FNDC3A: variants seen among roughly 807,000 people sequenced by gnomAD.
The protein encoded by FNDC3A is fibronectin type III domain containing 3A, also known as fibronectin type-III domain-containing protein 3A.
Under a neutral mutation model 148.9 loss-of-function variants are expected in FNDC3A, and 32 were observed. That is an observed-to-expected ratio of 0.21 (90% CI 0.16 to 0.29). The LOEUF is 0.29. FNDC3A is among the 10% of genes least tolerant of loss of function. The pLI is 1.00. For missense variants in FNDC3A, 1,191 were observed against 1,452.8 expected (o/e 0.82, Z 2.93); for synonymous variants, 472 against 473.6 (o/e 1.00, Z 0.04).
At chr13:49,022,975 A>T (rs1873439608) in intron 2 of FNDC3A, among the ~76,000 whole-genome samples, 1 of 152,122 alleles carries the variant, frequency 6.6e-6, no homozygotes, top group Non-Finnish European at 1.5e-5. Flanking sequence ...CACACATTTT[A>T]AAAAATTTAT....
At chr13:49,180,788 G>A (rs1014981492) in intron 14 of FNDC3A, among the ~76,000 whole-genome samples, 9 of 151,810 alleles carry the variant, frequency 5.9e-5, no homozygotes, top group Non-Finnish European at 1.3e-4. Flanking sequence ...CCAACTACTC[G>A]GGAGTCTGAG....
intron 2 of FNDC3A, among the ~76,000 whole-genome samples, chr13:49,060,239 A>T (rs1876567941): frequency 6.6e-6 from 1 of 152,268 alleles, no homozygotes; most frequent in Non-Finnish European, 1.5e-5. Flanking sequence ...TGTTTATAGC[A>T]GCACTATTCT....
rs9596055 is a variant in FNDC3A, at chr13:49,031,638, A to G, written c.99+25349A>G. On this transcript the variant is annotated intron_variant, in intron 2 of 25. Transcript: ENST00000492622. ...TACCATCTACAAAACTAACTCAAAA[A>G]TCAATTAAAATCCTAAAATAAGAGC... Among the ~76,000 whole-genome samples, 752 of 152,266 alleles carry G rather than the reference A, an allele frequency of 4.9e-3. 8 individuals are homozygous for G. Among genetic ancestry groups the G allele is most frequent in the African/African-American group, 0.017 (694 of 41,532 alleles).
chr13:49,086,072 A>G (rs537169698), intron 3 of FNDC3A, among the ~76,000 whole-genome samples: 2 of 151,992 alleles, frequency 1.3e-5, no homozygotes, highest in Non-Finnish European at 2.9e-5. Context: ...TGTAGAGACA[A>G]GGTTTCACCA....
intron 2 of FNDC3A, among the ~76,000 whole-genome samples, chr13:49,034,749 G>T (rs1874373179): frequency 6.6e-6 from 1 of 151,964 alleles, no homozygotes; most frequent in Non-Finnish European, 1.5e-5. Flanking sequence ...ATTTTCAAAT[G>T]CAGGCAGTTT....
Position 49,170,199 on chromosome 13 carries a change from T to C in FNDC3A, c.1176+1448T>C, listed in dbSNP as rs80308312. Among the ~76,000 whole-genome samples the C allele has an allele frequency of 2.6e-3, 395 of 152,170 alleles. 10 individuals are homozygous for C. The East Asian group carries it at 0.041, about 16-fold the overall frequency. ...TAATCAACATGGTTGGAAAAAGATA[T>C]CATTGTCACTGTTATTGGAGGATAG... On this transcript the variant is annotated intron_variant, in intron 10 of 25. Transcript: ENST00000492622.
chr13:49,076,680 AGTGGTG>A (rs889577584), intron 3 of FNDC3A, among the ~76,000 whole-genome samples: 2 of 151,856 alleles, frequency 1.3e-5, no homozygotes, highest in African/African-American at 4.8e-5. Flanking sequence ...GCACTCAATA[AGTGGTG>A]GTGAGTGCTG....
intron 4 of FNDC3A, among the ~76,000 whole-genome samples, chr13:49,121,015 T>G (rs1010900364): frequency 1.5e-4 from 23 of 152,040 alleles, no homozygotes; most frequent in African/African-American, 5.3e-4. Context: ...TCTACAGAAC[T>G]CTCCACCCCA....
intron 2 of FNDC3A, among the ~76,000 whole-genome samples, chr13:49,048,867 T>C (rs548682196): frequency 5.9e-5 from 9 of 152,308 alleles, no homozygotes; most frequent in Admixed American, 2.0e-4. Context: ...ATAGAAGTGG[T>C]AAAAGTGGGT....
At chr13:49,058,096 G>A (rs772500594) in intron 2 of FNDC3A, among the ~76,000 whole-genome samples, 58 of 152,208 alleles carry the variant, frequency 3.8e-4, no homozygotes, top group African/African-American at 1.3e-3. Context: ...CTCAGACACC[G>A]AGTTAAAGAA....
chr13:48,978,671 T>A (rs1339620141), intron 1 of FNDC3A, among the ~76,000 whole-genome samples: 3 of 152,162 alleles, frequency 2.0e-5, no homozygotes, highest in Non-Finnish European at 4.4e-5. Flanking sequence ...CTTTTGTTTT[T>A]TTTGTTTTGT....
intron 17 of FNDC3A, among the ~76,000 whole-genome samples, chr13:49,189,585 T>C (rs960843923): frequency 6.6e-6 from 1 of 152,158 alleles, no homozygotes; most frequent in African/African-American, 2.4e-5. Flanking sequence ...AATGAAAGTA[T>C]TCTTTTTTAA....
chr13:49,103,372 C>T (rs575588489), intron 3 of FNDC3A, among the ~76,000 whole-genome samples: 1 of 152,300 alleles, frequency 6.6e-6, no homozygotes, highest in East Asian at 1.9e-4. Context: ...ACAGTATTGA[C>T]AAGGATAGAC....
At chr13:49,121,159 T>G (rs909226881) in intron 4 of FNDC3A, among the ~76,000 whole-genome samples, 1 of 152,202 alleles carries the variant, frequency 6.6e-6, no homozygotes, top group African/African-American at 2.4e-5. Flanking sequence ...CAGGCCACAG[T>G]GCAATCAAAT....
chr13:49,169,228 C>G (rs1884634868), intron 10 of FNDC3A, among the ~76,000 whole-genome samples: 1 of 152,076 alleles, frequency 6.6e-6, no homozygotes, highest in South Asian at 2.1e-4. Context: ...TGGACAGATA[C>G]CATACATAGA....
At chr13:49,113,414 G>A (rs1880713329) in intron 3 of FNDC3A, among the ~76,000 whole-genome samples, 1 of 151,680 alleles carries the variant, frequency 6.6e-6, no homozygotes, top group Non-Finnish European at 1.5e-5. Flanking sequence ...CATCACCACT[G>A]TGTGGTTCTG....
intron 10 of FNDC3A, among the ~76,000 whole-genome samples, chr13:49,171,609 A>C (rs1884759210): frequency 6.6e-6 from 1 of 152,192 alleles, no homozygotes; most frequent in African/African-American, 2.4e-5. Flanking sequence ...GGACCAAGAC[A>C]CTGCCCTCTC....
chr13:49,202,850 T>C (rs1886482765), intron 24 of FNDC3A, among the ~76,000 whole-genome samples: 1 of 152,080 alleles, frequency 6.6e-6, no homozygotes, highest in Admixed American at 6.5e-5. Flanking sequence ...ACAAAAGAAA[T>C]TTTGAATCAG....
chr13:49,144,335 A>T (rs1882871529), intron 7 of FNDC3A, among the ~76,000 whole-genome samples: 1 of 152,142 alleles, frequency 6.6e-6, no homozygotes, highest in African/African-American at 2.4e-5. Flanking sequence ...ACAGTATTAC[A>T]TTTCCTGTGA....
Sources: gnomAD v4.1 joint callset for allele counts (sites outside exome capture counted in the v4.1 genomes callset) on GRCh38, gnomAD v4.1.1 for gene constraint, MANE v1.5 for transcripts, NCBI Gene and HGNC (gene_info 2026-07-23, HGNC 2026-07-21) for gene names.